ARHGAP26: variants seen among roughly 807,000 people sequenced by gnomAD.
ARHGAP26 encodes Rho GTPase activating protein 26.
ARHGAP26 carries 38 observed loss-of-function variants against 104.8 expected under a neutral mutation model. The ratio of observed to expected loss-of-function variants is 0.36; its 90% CI spans 0.28 to 0.48. ARHGAP26 has a LOEUF of 0.48. Among genes scored for constraint, ARHGAP26 ranks in the 20% least tolerant of loss-of-function variants. ARHGAP26 has a pLI of 0.99. For synonymous variants in ARHGAP26, 341 were observed against 340.0 expected, an observed-to-expected ratio of 1.00 and a Z score of -0.03; for missense variants, 704 against 947.9, an observed-to-expected ratio of 0.74 and a Z score of 3.38.
At chr5:143,006,869 A>G (rs1185560479) in intron 11 of ARHGAP26, among the ~76,000 whole-genome samples, 1 of 152,188 alleles carries the variant, frequency 6.6e-6, no homozygotes, top group Non-Finnish European at 1.5e-5. Context: ...TAGAAAAATC[A>G]TGTCCATTCA....
At chr5:142,941,352 C>G (rs1359020569) in intron 11 of ARHGAP26, among the ~76,000 whole-genome samples, 1 of 152,024 alleles carries the variant, frequency 6.6e-6, no homozygotes, top group East Asian at 1.9e-4. Context: ...TTGTATTTCT[C>G]CAGTGATCAG....
intron 17 of ARHGAP26, among the ~76,000 whole-genome samples, chr5:143,065,012 C>G (rs1487768626): frequency 1.3e-5 from 2 of 152,120 alleles, no homozygotes; most frequent in Non-Finnish European, 2.9e-5. Context: ...AATAAATTTC[C>G]TGTTTTCTGA....
chr5:143,119,792 GA>G (rs1348234843), intron 17 of ARHGAP26, among the ~76,000 whole-genome samples: 23 of 151,622 alleles, frequency 1.5e-4, no homozygotes, highest in Admixed American at 1.4e-3. Flanking sequence ...AAAAATTATA[GA>G]AAAGTACACA....
chr5:143,058,365 C>G (rs2190779), intron 17 of ARHGAP26, among the ~76,000 whole-genome samples: 27,721 of 152,168 alleles, frequency 0.18, 5,771 homozygotes, highest in East Asian at 0.65. Context: ...CTCACTTGTC[C>G]TCTGAGATAA....
intron 1 of ARHGAP26, among the ~76,000 whole-genome samples, chr5:142,809,971 T>C (rs2152012663): frequency 6.6e-6 from 1 of 152,350 alleles, no homozygotes; most frequent in East Asian, 1.9e-4. Context: ...CTTACCTTTC[T>C]ACAGCTGTGG....
intron 20 of ARHGAP26, among the ~76,000 whole-genome samples, chr5:143,192,216 G>A (rs763090754): frequency 6.0e-4 from 92 of 152,352 alleles, no homozygotes; most frequent in Middle Eastern, 6.8e-3. Flanking sequence ...ACTGGAGAAA[G>A]ATCAAACTCA....
intron 20 of ARHGAP26, among the ~76,000 whole-genome samples, chr5:143,200,008 C>T (rs1807454337): frequency 6.6e-6 from 1 of 152,210 alleles, no homozygotes; most frequent in South Asian, 2.1e-4. Flanking sequence ...CCCCACACAA[C>T]CCTCTTGTCA....
At chr5:143,122,944 T>C (rs1796308965) in intron 18 of ARHGAP26, among the ~76,000 whole-genome samples, 1 of 152,236 alleles carries the variant, frequency 6.6e-6, no homozygotes, top group Non-Finnish European at 1.5e-5. Context: ...TCACAAATTA[T>C]AGGGCATGTA....
At chr5:142,917,760 T>G (rs1214330031) in intron 10 of ARHGAP26, among the ~76,000 whole-genome samples, 1 of 152,166 alleles carries the variant, frequency 6.6e-6, no homozygotes, top group African/African-American at 2.4e-5. Context: ...GTTGAACTCC[T>G]GGGCTCAAGC....
intron 11 of ARHGAP26, among the ~76,000 whole-genome samples, chr5:142,958,536 C>T (rs906514459): frequency 6.6e-6 from 1 of 152,018 alleles, no homozygotes; most frequent in African/African-American, 2.4e-5. Flanking sequence ...GTTGTGGTGG[C>T]ATGTGCCTGT....
chr5:142,991,386 G>A (rs534103158), intron 11 of ARHGAP26, among the ~76,000 whole-genome samples: 129 of 152,268 alleles, frequency 8.5e-4, no homozygotes, highest in Middle Eastern at 6.8e-3. Context: ...CCAGGAAAGG[G>A]AATTCCCTGT....
At chr5:143,135,591 C>T (rs1562487960) in intron 19 of ARHGAP26, among the ~76,000 whole-genome samples, 1 of 152,152 alleles carries the variant, frequency 6.6e-6, no homozygotes, top group Non-Finnish European at 1.5e-5. Flanking sequence ...CTTCCCCATC[C>T]CAAAACCCTT....
intron 11 of ARHGAP26, among the ~76,000 whole-genome samples, chr5:143,007,554 G>A (rs1210749300): frequency 2.0e-5 from 3 of 152,222 alleles, no homozygotes; most frequent in Non-Finnish European, 4.4e-5. Flanking sequence ...CCTCTGGAAA[G>A]CAGGACTGGG....
At position 143,022,106 on chromosome 5, in the gene ARHGAP26, CT is replaced by C. The variant is rs545859320; in HGVS notation, c.1144+7991del. On this transcript the variant is annotated intron_variant, in intron 12 of 22. Coordinates refer to ENST00000645722, the MANE Select transcript of ARHGAP26 (RefSeq NM_001135608.3). ...TATTTCATTTATTTTTTTGAGACCC[CT>C]GTCACCCAGGCTGGAGTGCAGTGGT... Among the ~76,000 whole-genome samples, 618 of 152,236 alleles carry C rather than the reference CT, an allele frequency of 4.1e-3. 8 individuals are homozygous for C. Among genetic ancestry groups the C allele is most frequent in the South Asian group, 0.012 (59 of 4,824 alleles).
At chr5:143,212,478 G>A (rs1392288287) in intron 21 of ARHGAP26, among the ~76,000 whole-genome samples, 3 of 152,010 alleles carry the variant, frequency 2.0e-5, no homozygotes, top group East Asian at 3.9e-4. Context: ...CCCTTGTCCT[G>A]AACTTTATTC....
intron 17 of ARHGAP26, among the ~76,000 whole-genome samples, chr5:143,078,260 A>G (rs1236205553): frequency 6.6e-6 from 1 of 152,230 alleles, no homozygotes; most frequent in Non-Finnish European, 1.5e-5. Context: ...GCGAGGCAGA[A>G]GAGACACCTG....
rs140225755 is a variant in ARHGAP26, at chr5:142,879,731, A to G, written c.384+286A>G. Among the ~76,000 whole-genome samples, 614 of 152,306 alleles carry G rather than the reference A, an allele frequency of 4.0e-3. 3 individuals carry two copies. The highest frequency in any genetic ancestry group is 0.014 in the African/African-American group (569 of 41,564). On this transcript the variant is annotated intron_variant, in intron 4 of 22. Coordinates refer to ENST00000645722, the MANE Select transcript of ARHGAP26 (RefSeq NM_001135608.3). ...CATCCAAAGGTAGAAACCACACCTC[A>G]TTTGTGTTATTATAATAGATAGCTG...
intron 1 of ARHGAP26, among the ~76,000 whole-genome samples, chr5:142,851,465 C>T (rs1751508447): frequency 2.0e-5 from 3 of 152,212 alleles, no homozygotes; most frequent in Admixed American, 6.5e-5. Context: ...ATTATTCTAC[C>T]ATATCCAGGC....
chr5:142,962,439 A>T (rs1012976220), intron 11 of ARHGAP26, among the ~76,000 whole-genome samples: 2 of 152,186 alleles, frequency 1.3e-5, no homozygotes, highest in African/African-American at 2.4e-5. Flanking sequence ...GGAAAAGCCA[A>T]CACCCTTTAT....
Sources: gnomAD v4.1 joint callset for allele counts (sites outside exome capture counted in the v4.1 genomes callset) on GRCh38, gnomAD v4.1.1 for gene constraint, MANE v1.5 for transcripts, NCBI Gene and HGNC (gene_info 2026-07-23, HGNC 2026-07-21) for gene names.